Variants in SUFU observed in about 807,000 individuals in gnomAD.
SUFU encodes suppressor of fused homolog.
A neutral mutation model predicts 58.9 loss-of-function variants in SUFU; 7 were observed. That is an observed-to-expected ratio of 0.12 (90% CI 0.07 to 0.22). The LOEUF is 0.22. Among genes scored for constraint, SUFU ranks in the 10% least tolerant of loss-of-function variants. SUFU has a pLI of 1.00. For missense variants in SUFU, 451 were observed against 641.3 expected (o/e 0.70, Z 3.20); for synonymous variants, 232 against 254.8 (o/e 0.91, Z 0.85).
chr10:102,583,803 C>T (rs575632880), intron 3 of SUFU, among the ~76,000 whole-genome samples: 5 of 152,050 alleles, frequency 3.3e-5, no homozygotes, highest in East Asian at 3.9e-4. Context: ...TGTGCTGCAC[C>T]GATTAACTCG....
chr10:102,607,028 G>T (rs541572586), intron 8 of SUFU, among the ~76,000 whole-genome samples: 23 of 152,064 alleles, frequency 1.5e-4, no homozygotes, highest in Admixed American at 1.4e-3. Flanking sequence ...GAATGTCCTG[G>T]GAGGAGGATG....
chr10:102,519,212 G>A (rs892451075), intron 2 of SUFU, among the ~76,000 whole-genome samples: 3 of 150,744 alleles, frequency 2.0e-5, no homozygotes, highest in Admixed American at 6.6e-5. Context: ...GGTGACAGGT[G>A]TCATCTCTCA....
intron 2 of SUFU, among the ~76,000 whole-genome samples, chr10:102,511,459 A>G (rs1313570505): frequency 6.6e-6 from 1 of 152,124 alleles, no homozygotes; most frequent in Non-Finnish European, 1.5e-5. Flanking sequence ...CTGCCTTTGC[A>G]TAGCGACCAA....
At position 102,617,203 on chromosome 10, in the gene SUFU, C is replaced by G; in HGVS notation, c.1158-87C>G. 6.3e-7 allele frequency: 1 copy of G among 1,586,518 alleles called. No individual in the cohort carries two copies. The highest frequency in any genetic ancestry group is 1.7e-5 in the Admixed American group (1 of 59,818). ...TACCTGGCCCGCGGACCATAGTCCC[C>G]ACTGTCCCAGAGCCTTGGCCAGGCC... On this transcript the variant is annotated intron_variant, in intron 9 of 11. Transcript: ENST00000369902. This position sits in a 1 kb window ranked among gnomAD's most constrained non-coding sequence, Gnocchi z 4.4.
At chr10:102,554,618 T>C (rs930743848) in intron 3 of SUFU, among the ~76,000 whole-genome samples, 6 of 152,214 alleles carry the variant, frequency 3.9e-5, no homozygotes, top group African/African-American at 1.4e-4. Flanking sequence ...GTTAGATCCT[T>C]AGCACTGTGT....
chr10:102,557,940 G>C (rs895510541), intron 3 of SUFU, among the ~76,000 whole-genome samples: 10 of 149,964 alleles, frequency 6.7e-5, no homozygotes, highest in Non-Finnish European at 1.3e-4. Flanking sequence ...TTGTTCTGTT[G>C]CCCAAGCTGG....
At chr10:102,593,845 C>A in intron 5 of SUFU, 124 bp downstream of exon 5, 2 of 1,353,002 alleles carry the variant, frequency 1.5e-6, no homozygotes, top group Non-Finnish European at 2.1e-6. Flanking sequence ...CACATCAGGG[C>A]TTCCTGACGA....
chr10:102,545,196 C>T (rs2062841807), intron 2 of SUFU, among the ~76,000 whole-genome samples: 1 of 151,856 alleles, frequency 6.6e-6, no homozygotes, highest in African/African-American at 2.4e-5. Flanking sequence ...GCTGCCTTGA[C>T]CTCCCTCGGC....
At position 102,598,108 on chromosome 10, in the gene SUFU, G is replaced by A. The variant is rs141773925; in HGVS notation, c.910+815G>A. On this transcript the variant is annotated intron_variant, in intron 7 of 11. Coordinates refer to ENST00000369902, the MANE Select transcript of SUFU (RefSeq NM_016169.4). ...TAACACTTATAAAAGGTTTTTGTTC[G>A]TTCTGTAAAGGACAAACTTAAACTC... 5.9e-4 allele frequency among the ~76,000 whole-genome samples: 89 copies of A among 151,908 alleles called. 1 individual carries two copies. The East Asian group carries it at 0.011, about 18-fold the overall frequency.
At chr10:102,502,858 G>C (rs558476897), upstream of SUFU, 4 of 594,742 alleles carry the variant, frequency 6.7e-6, no homozygotes, top group African/African-American at 7.4e-5. Flanking sequence ...ATTGGGAGTC[G>C]CATTTCCAAT....
intron 10 of SUFU, 108 bp from the exon 11 acceptor site, chr10:102,627,067 T>G: frequency 3.3e-6 from 4 of 1,209,086 alleles, no homozygotes; most frequent in Non-Finnish European, 4.9e-6. Flanking sequence ...CAGATCACAG[T>G]GAGCTCATCT....
At chr10:102,570,992 A>G (rs1364938220) in intron 3 of SUFU, among the ~76,000 whole-genome samples, 1 of 152,230 alleles carries the variant, frequency 6.6e-6, no homozygotes, top group Non-Finnish European at 1.5e-5. Flanking sequence ...TTCTAAAAAA[A>G]AAACCAAAAC....
Position 102,633,276 on chromosome 10 carries a change from G to A in SUFU, c.*3121G>A, listed in dbSNP as rs954138980. The A allele has an allele frequency of 4.3e-6, 1 of 233,042 alleles. No individual in the cohort carries two copies. The highest frequency in any genetic ancestry group is 5.6e-5 in the Admixed American group (1 of 17,758). The allele number at this position is 233,042 out of a possible 1,614,324, so 14.4% of individuals were successfully genotyped here. On this transcript the variant is annotated 3_prime_UTR_variant, in exon 12 of 12. Transcript: ENST00000369902. ...TTTTGTACAAGTACCTGAATGCTGCGACAAGCAGATTTTTGTAAAATTTTA... is the reference window on the plus strand; with the variant it reads ...TTTTGTACAAGTACCTGAATGCTGCAACAAGCAGATTTTTGTAAAATTTTA...
At chr10:102,503,533 G>T (rs1211247969), upstream of SUFU, among the ~76,000 whole-genome samples, 1 of 152,070 alleles carries the variant, frequency 6.6e-6, no homozygotes, top group East Asian at 1.9e-4. Context: ...TCTGGATTAT[G>T]TTCTCCCCCA....
At chr10:102,507,617 A>G (rs947062310) in intron 1 of SUFU, among the ~76,000 whole-genome samples, 1 of 152,276 alleles carries the variant, frequency 6.6e-6, no homozygotes, top group African/African-American at 2.4e-5. Context: ...TTCCTAACAG[A>G]GAATAGGGAT....
At chr10:102,516,116 CTTTCT>C (rs2062465598) in intron 2 of SUFU, among the ~76,000 whole-genome samples, 1 of 94,856 alleles carries the variant, frequency 1.1e-5, no homozygotes, top group Non-Finnish European at 2.2e-5. Flanking sequence ...CTTTTTCTTT[CTTTCT>C]TTTCTTTTTT....
chr10:102,539,350 A>G (rs964850465), intron 2 of SUFU, among the ~76,000 whole-genome samples: 1 of 152,228 alleles, frequency 6.6e-6, no homozygotes, highest in Non-Finnish European at 1.5e-5. Context: ...TATCACAGAC[A>G]TGTTGTGCCC....
At chr10:102,623,388 G>T (rs1430750575) in intron 10 of SUFU, among the ~76,000 whole-genome samples, 1 of 152,228 alleles carries the variant, frequency 6.6e-6, no homozygotes, top group Non-Finnish European at 1.5e-5. Flanking sequence ...GGCCAGTCTG[G>T]TTTTTTAGCA....
intron 1 of SUFU, among the ~76,000 whole-genome samples, chr10:102,504,635 AAG>A (rs1487803933): frequency 7.6e-6 from 1 of 132,026 alleles, no homozygotes; most frequent in Non-Finnish European, 1.6e-5. Flanking sequence ...ACGTGGTGAA[AAG>A]AGGGGGCGCC....
Sources: gnomAD v4.1 joint callset for allele counts (sites outside exome capture counted in the v4.1 genomes callset) on GRCh38, gnomAD v4.1.1 for gene constraint, Gnocchi (gnomAD v3.1) non-coding constraint, MANE v1.5 for transcripts, NCBI Gene and HGNC (gene_info 2026-07-23, HGNC 2026-07-21) for gene names.